Variants in DHRS11 observed in about 807,000 individuals in gnomAD.
DHRS11 encodes the protein dehydrogenase/reductase SDR family member 11.
DHRS11 carries 18 observed loss-of-function variants against 30.7 expected under a neutral mutation model. The ratio of observed to expected loss-of-function variants is 0.59; its 90% CI spans 0.41 to 0.87. The LOEUF is 0.87. Ranked by LOEUF, DHRS11 falls within the 40% of genes least tolerant of loss-of-function variation. The pLI is 0.00. For missense variants in DHRS11, 300 were observed against 349.0 expected, an observed-to-expected ratio of 0.86 and a Z score of 1.12; for synonymous variants, 123 against 139.6, an observed-to-expected ratio of 0.88 and a Z score of 0.84.
chr17:36,594,722 G>C (rs1409229842), intron 1 of DHRS11: 4 of 583,222 alleles, frequency 6.9e-6, no homozygotes, highest in East Asian at 2.8e-5. Flanking sequence ...GCCAGGACTT[G>C]AGTTTATAGT....
intron 2 of DHRS11, chr17:36,597,918 G>A (rs1599567224): frequency 1.7e-6 from 1 of 581,316 alleles, no homozygotes. Context: ...ATTCTTGTTT[G>A]CAGGAACTTG....
At chr17:36,594,942 C>A (rs746225237) in intron 1 of DHRS11, 29 bp from the exon 2 acceptor site, 2 of 1,611,260 alleles carry the variant, frequency 1.2e-6, no homozygotes, top group Non-Finnish European at 1.7e-6. Flanking sequence ...AGCTGCTCAC[C>A]CCAGTCAGAC....
rs2142807559 is a variant in DHRS11 at position 36,591,943 on chromosome 17, G to A, written c.-67G>A. The A allele has an allele frequency of 8.2e-7, 1 of 1,217,698 alleles. No individual in the cohort carries two copies. Among genetic ancestry groups the A allele is most frequent in the African/African-American group, 1.6e-5 (1 of 63,890 alleles). 75.4% of individuals were successfully genotyped at this position (1,217,698 alleles called of 1,614,324 possible). On this transcript the variant is annotated 5_prime_UTR_variant, in exon 1 of 7. Coordinates refer to ENST00000618403, the MANE Select transcript of DHRS11 (RefSeq NM_024308.4). ...GGTCGGCGGCGGCGGCAGGAGAGCG[G>A]CCGGGCGTCAGCTCCTCGACCCCCG...
rs2074833425 is a variant in DHRS11 at position 36,598,948 on chromosome 17, G to A, written c.480G>A (p.Leu160=). ...TGTCTGGCCACCGAGTGTTACCCCT[G>A]TCTGTGACCCACTTCTATAGTGCCA... is the stretch of plus-strand genomic sequence containing the variant. The part of the protein sequence containing the change: ...NSMSGHRVLP[L]SVTHFYSATK... Residue 160 remains leucine, a synonymous_variant, in exon 4 of 7, where the codon CTG becomes CTA. Coordinates refer to ENST00000618403, the MANE Select transcript of DHRS11 (RefSeq NM_024308.4). 1 of 1,613,380 alleles carries A rather than the reference G, an allele frequency of 6.2e-7. No individual in the cohort carries two copies. Among genetic ancestry groups the A allele is most frequent in the Admixed American group, 1.7e-5 (1 of 59,978 alleles).
chr17:36,597,356 G>A (rs1379008359), intron 2 of DHRS11: 4 of 160,180 alleles, frequency 2.5e-5, no homozygotes, highest in African/African-American at 9.6e-5. Flanking sequence ...GGAGAGGCCT[G>A]AGGACCTGCT....
At chr17:36,596,454 C>T (rs1278837936) in intron 2 of DHRS11, 1 of 187,490 alleles carries the variant, frequency 5.3e-6, no homozygotes, top group African/African-American at 2.4e-5. Flanking sequence ...GCCACCACGC[C>T]CAGCTGATCT....
At chr17:36,596,348 G>C (rs2074811010) in intron 2 of DHRS11, 1 of 153,128 alleles carries the variant, frequency 6.5e-6, no homozygotes, top group Non-Finnish European at 1.5e-5. Flanking sequence ...ATTTAGTAGA[G>C]ATGGGGTTTC....
intron 2 of DHRS11, 49 bp from the exon 3 acceptor site, chr17:36,598,114 C>T: frequency 3.8e-6 from 6 of 1,588,110 alleles, no homozygotes; most frequent in Non-Finnish European, 5.2e-6. Context: ...CCATCACTTG[C>T]TCAGTTGGGC....
chr17:36,600,146 C>T lies in DHRS11; in HGVS notation c.742-16C>T, dbSNP rs763708970. ...GGAGAGTGTCACAGCTGCCTCATGC[C>T]TTGTACCTTCCACAGATTGGAGACA... is the stretch of plus-strand genomic sequence containing the variant. On this transcript the variant is annotated splice_polypyrimidine_tract_variant and intron_variant, in intron 6 of 6. Coordinates refer to ENST00000618403, the MANE Select transcript of DHRS11 (RefSeq NM_024308.4). The T allele has an allele frequency of 2.5e-6, 4 of 1,598,002 alleles. No homozygotes were observed. Among genetic ancestry groups the T allele is most frequent in the Non-Finnish European group, 3.4e-6 (4 of 1,169,546 alleles).
At chr17:36,595,306 TG>T in intron 2 of DHRS11, 126 bp downstream of exon 2, 2 of 946,714 alleles carry the variant, frequency 2.1e-6, no homozygotes, top group Non-Finnish European at 3.2e-6. Flanking sequence ...GGTTCCCACC[TG>T]GGGCATCTTG....
At chr17:36,599,190 G>C in intron 4 of DHRS11, 140 bp downstream of exon 4, 1 of 1,291,422 alleles carries the variant, frequency 7.7e-7, no homozygotes, top group Non-Finnish European at 1.0e-6. Context: ...GGGTGCTGCT[G>C]CTCCAGGCAT....
chr17:36,597,727 G>C (rs1400499640), intron 2 of DHRS11: 3 of 206,952 alleles, frequency 1.4e-5, no homozygotes, highest in African/African-American at 7.1e-5. Flanking sequence ...ATTTTGGTAA[G>C]GATTTTGAGC....
intron 2 of DHRS11, among the ~76,000 whole-genome samples, chr17:36,595,410 CTTTTTTTTTT>C (rs34424724): frequency 0.047 from 2,418 of 51,782 alleles, 118 homozygotes; most frequent in East Asian, 0.22. Flanking sequence ...GGAGGTAGTT[CTTTTTTTTTT>C]TTTTTTTTTT....
At position 36,591,951 on chromosome 17, in the gene DHRS11, T is replaced by G; in HGVS notation, c.-59T>G. On this transcript the variant is annotated 5_prime_UTR_variant, in exon 1 of 7. Transcript: ENST00000618403. ...GCGGCGGCAGGAGAGCGGCCGGGCG[T>G]CAGCTCCTCGACCCCCGTGTCGGGC... 1 of 1,220,094 alleles carries G rather than the reference T, an allele frequency of 8.2e-7. No homozygotes were observed. The highest frequency in any genetic ancestry group is 1.0e-6 in the Non-Finnish European group (1 of 980,586). The allele number at this position is 1,220,094 out of a possible 1,614,324, so 75.6% of individuals were successfully genotyped here.
chr17:36,598,592 G>T (rs534484942), intron 3 of DHRS11: 236 of 500,444 alleles, frequency 4.7e-4, no homozygotes, highest in Middle Eastern at 2.6e-3. Context: ...GTCTGAGGGG[G>T]GACATGGCCT....
At chr17:36,598,795 A>G in intron 3 of DHRS11, 126 bp from the exon 4 acceptor site, 1 of 1,268,628 alleles carries the variant, frequency 7.9e-7, no homozygotes, top group African/African-American at 1.5e-5. Context: ...GATGGCCAGT[A>G]GAGGTCCCCT....
At chr17:36,599,409 T>C (rs2074837710) in intron 4 of DHRS11, 1 of 576,446 alleles carries the variant, frequency 1.7e-6, no homozygotes, top group Non-Finnish European at 3.1e-6. Context: ...AGCCTCGGCC[T>C]TCTCACTTGT....
intron 2 of DHRS11, chr17:36,597,792 T>G: frequency 6.0e-6 from 2 of 335,774 alleles, no homozygotes; most frequent in Non-Finnish European, 1.1e-5. Flanking sequence ...GAGTAGGGTA[T>G]TTGGGGGAAG....
rs909930443 is a variant in DHRS11 at position 36,594,953 on chromosome 17, C to A, written c.148-18C>A. ...AGTGAGCTGCTCACCCCAGTCAGACCCCTGTTGGGTTTCATAGGAGCTGGC... is the reference window on the plus strand; with the variant it reads ...AGTGAGCTGCTCACCCCAGTCAGACACCTGTTGGGTTTCATAGGAGCTGGC... On this transcript the variant is annotated intron_variant, in intron 1 of 6. Coordinates refer to ENST00000618403, the MANE Select transcript of DHRS11 (RefSeq NM_024308.4). 3 of 1,613,898 alleles carry A rather than the reference C, an allele frequency of 1.9e-6. No homozygotes were observed. In the East Asian group the frequency reaches 6.7e-5, roughly 36 times the overall value.
Sources: gnomAD v4.1 joint callset for allele counts (sites outside exome capture counted in the v4.1 genomes callset) on GRCh38, gnomAD v4.1.1 for gene constraint, MANE v1.5 for transcripts, NCBI Gene and HGNC (gene_info 2026-07-23, HGNC 2026-07-21) for gene names.